ZNF385B: variants seen among roughly 807,000 people sequenced by gnomAD.
ZNF385B encodes zinc finger protein 385B.
A neutral mutation model predicts 39.2 loss-of-function variants in ZNF385B; 23 were observed. The observed-to-expected ratio is 0.59, with a 90% CI of 0.42 to 0.83. The LOEUF is 0.83. Among genes scored for constraint, ZNF385B ranks in the 40% least tolerant of loss-of-function variants. The pLI, the probability that ZNF385B is intolerant of heterozygous loss-of-function variation, is 0.00. For missense variants in ZNF385B, 552 were observed against 598.9 expected, an observed-to-expected ratio of 0.92 and a Z score of 0.82; for synonymous variants, 205 against 222.6, an observed-to-expected ratio of 0.92 and a Z score of 0.70.
At chr2:179,763,742 T>C (rs779262584) in intron 3 of ZNF385B, among the ~76,000 whole-genome samples, 1 of 152,214 alleles carries the variant, frequency 6.6e-6, no homozygotes, top group Non-Finnish European at 1.5e-5. Context: ...CTTTGATTCA[T>C]AGATTATTTA....
chr2:179,684,842 C>A (rs976824125), intron 3 of ZNF385B, among the ~76,000 whole-genome samples: 3 of 152,204 alleles, frequency 2.0e-5, no homozygotes, highest in Non-Finnish European at 4.4e-5. Context: ...TACATGAACA[C>A]TGAATGCAAG....
At chr2:179,695,775 C>A (rs2106352691) in intron 3 of ZNF385B, among the ~76,000 whole-genome samples, 1 of 152,314 alleles carries the variant, frequency 6.6e-6, no homozygotes, top group South Asian at 2.1e-4. Context: ...CAGACACACA[C>A]AAAAGCTTGT....
intron 3 of ZNF385B, among the ~76,000 whole-genome samples, chr2:179,694,080 T>C (rs897478115): frequency 4.6e-5 from 7 of 152,222 alleles, no homozygotes; most frequent in Non-Finnish European, 8.8e-5. Flanking sequence ...AAACTATATG[T>C]TAGAAATGGG....
chr2:179,677,558 G>C (rs1055665895), intron 3 of ZNF385B, among the ~76,000 whole-genome samples: 1 of 152,176 alleles, frequency 6.6e-6, no homozygotes, highest in Non-Finnish European at 1.5e-5. Context: ...TGCTTTCTCT[G>C]AGTTCTAGTG....
intron 1 of ZNF385B, among the ~76,000 whole-genome samples, chr2:179,774,007 T>C (rs1704162544): frequency 6.6e-6 from 1 of 152,060 alleles, no homozygotes; most frequent in African/African-American, 2.4e-5. Flanking sequence ...GATGTGTGTG[T>C]ATATGTGCTT....
At chr2:179,826,152 C>T (rs1335363531) in intron 1 of ZNF385B, among the ~76,000 whole-genome samples, 2 of 152,226 alleles carry the variant, frequency 1.3e-5, no homozygotes, top group East Asian at 3.9e-4. Flanking sequence ...CAGCTACCAC[C>T]CTCACGTACA....
intron 3 of ZNF385B, among the ~76,000 whole-genome samples, chr2:179,648,494 A>C (rs1233930845): frequency 6.6e-6 from 1 of 152,164 alleles, no homozygotes; most frequent in African/African-American, 2.4e-5. Flanking sequence ...GTGTATGTGC[A>C]TGCACATATA....
intron 3 of ZNF385B, among the ~76,000 whole-genome samples, chr2:179,687,331 A>G (rs1429040311): frequency 6.6e-6 from 1 of 151,936 alleles, no homozygotes; most frequent in Non-Finnish European, 1.5e-5. Flanking sequence ...TGAGGAATCT[A>G]CATTTTGTAA....
At chr2:179,853,886 C>T (rs1684372637) in intron 1 of ZNF385B, among the ~76,000 whole-genome samples, 1 of 152,194 alleles carries the variant, frequency 6.6e-6, no homozygotes, top group African/African-American at 2.4e-5. Flanking sequence ...CTGAAATTTG[C>T]ATCCACAAAA....
Position 179,483,371 on chromosome 2 carries a change from T to C in ZNF385B, c.616A>G (p.Thr206Ala), listed in dbSNP as rs917310218. Residue 206 changes from threonine (T) to alanine (A), a missense_variant, in exon 6 of 10, where the codon ACG (threonine) becomes GCG (alanine). Thr to Ala is a moderately conservative substitution (Grantham distance 58). Coordinates refer to ENST00000410066, the MANE Select transcript of ZNF385B (RefSeq NM_152520.6). The stretch of plus-strand genomic sequence containing the variant: ...GGAACCATTTTGGGTTTATTTTTCG[T>C]TGCGTCTAGTGCTTTGACCTTCTTG... Reference protein sequence around the residue: ...HAKKVKALDATKNKPKMVPSK... With the variant: ...HAKKVKALDAAKNKPKMVPSK... The C allele has an allele frequency of 6.2e-7, 1 of 1,613,970 alleles. No individual in the cohort carries two copies. Among genetic ancestry groups the C allele is most frequent in the African/African-American group, 1.3e-5 (1 of 74,924 alleles).
At chr2:179,449,117 A>G (rs183538590) in intron 6 of ZNF385B, among the ~76,000 whole-genome samples, 2 of 152,272 alleles carry the variant, frequency 1.3e-5, no homozygotes, top group East Asian at 3.9e-4. Flanking sequence ...AGAATAGTAA[A>G]TAAAGTAAGT....
At chr2:179,461,959 CA>C (rs1377562825) in intron 6 of ZNF385B, among the ~76,000 whole-genome samples, 1 of 152,174 alleles carries the variant, frequency 6.6e-6, no homozygotes, top group South Asian at 2.1e-4. Context: ...AAAGAAGCCC[CA>C]AAACTTGAAA....
At chr2:179,836,807 C>T (rs534371847) in intron 1 of ZNF385B, among the ~76,000 whole-genome samples, 6 of 152,284 alleles carry the variant, frequency 3.9e-5, no homozygotes, top group Non-Finnish European at 5.9e-5. Flanking sequence ...CGTGAGCCAC[C>T]GCGCACGGCC....
chr2:179,771,141 G>C (rs1007069667), intron 1 of ZNF385B, among the ~76,000 whole-genome samples: 1 of 152,090 alleles, frequency 6.6e-6, no homozygotes, highest in Non-Finnish European at 1.5e-5. Flanking sequence ...ATCATGGCTT[G>C]TAAGGGACTT....
intron 5 of ZNF385B, among the ~76,000 whole-genome samples, chr2:179,499,055 A>G (rs2056515019): frequency 6.6e-6 from 1 of 151,984 alleles, no homozygotes; most frequent in Non-Finnish European, 1.5e-5. Flanking sequence ...AAAGCAACAA[A>G]TTGGAAAATC....
intron 4 of ZNF385B, 136 bp from the exon 5 acceptor site, chr2:179,518,774 C>A: frequency 2.1e-6 from 1 of 485,384 alleles, no homozygotes; most frequent in Non-Finnish European, 3.6e-6. Context: ...GAGTCTCCTT[C>A]AACAGTAATA....
chr2:179,650,084 A>G (rs541945504), intron 3 of ZNF385B, among the ~76,000 whole-genome samples: 18 of 152,304 alleles, frequency 1.2e-4, no homozygotes, highest in Non-Finnish European at 2.4e-4. Flanking sequence ...AAATAAATGC[A>G]TAAGCCAGTA....
At chr2:179,782,103 G>C (rs1208420216) in intron 1 of ZNF385B, among the ~76,000 whole-genome samples, 3 of 152,092 alleles carry the variant, frequency 2.0e-5, no homozygotes, top group African/African-American at 4.8e-5. Context: ...CTTGCAAACT[G>C]AATCCAGCAG....
chr2:179,595,852 A>C (rs1687961844), intron 3 of ZNF385B, among the ~76,000 whole-genome samples: 1 of 152,054 alleles, frequency 6.6e-6, no homozygotes, highest in South Asian at 2.1e-4. Context: ...TGTCTAAAAA[A>C]AAAAGAAAAA....
Sources: gnomAD v4.1 joint callset for allele counts (sites outside exome capture counted in the v4.1 genomes callset) on GRCh38, gnomAD v4.1.1 for gene constraint, MANE v1.5 for transcripts, NCBI Gene and HGNC (gene_info 2026-07-23, HGNC 2026-07-21) for gene names.